PTGES: variants seen among roughly 807,000 people sequenced by gnomAD.
The protein encoded by PTGES is MGST1-like 1.
PTGES carries 3 observed loss-of-function variants against 11.8 expected under a neutral mutation model. That is an observed-to-expected ratio of 0.25 (90% CI 0.12 to 0.66). PTGES has a LOEUF of 0.66. Ranked by LOEUF, PTGES falls within the 30% of genes least tolerant of loss-of-function variation. The probability of loss-of-function intolerance (pLI) is 0.82; values close to 1 mark genes in which losing one functional copy is unlikely to be tolerated. For missense variants in PTGES, 180 were observed against 213.0 expected (o/e 0.85, Z 0.96); for synonymous variants, 94 against 90.4 (o/e 1.04, Z -0.22).
In PTGES at chr9:129,739,440, A is replaced by ACACG. The variant is rs1832970929; in HGVS notation, c.*167_*170dup. 1 of 877,854 alleles carries ACACG rather than the reference A, an allele frequency of 1.1e-6. No individual in the cohort carries two copies. Among genetic ancestry groups the ACACG allele is most frequent in the African/African-American group, 1.7e-5 (1 of 58,758 alleles). The allele number at this position is 877,854 out of a possible 1,614,324, so 54.4% of individuals were successfully genotyped here. A position where few individuals can be genotyped will look rare whatever the true frequency, so the allele number is the denominator to read the frequency against. ...GAAACATACACACACACATACACAC[A>ACACG]CACGGGCACACACACAGGCCCACTG... is the stretch of plus-strand genomic sequence containing the variant. On this transcript the variant is annotated 3_prime_UTR_variant, in exon 3 of 3. Coordinates refer to ENST00000340607, the MANE Select transcript of PTGES (RefSeq NM_004878.5). This position sits in a 1 kb window ranked among gnomAD's most constrained non-coding sequence, Gnocchi z 5.7.
Position 129,738,407 on chromosome 9 carries a change from GAA to G in PTGES, c.*1202_*1203del, listed in dbSNP as rs1832954456. 8.7e-6 allele frequency: 1 copy of G among 115,102 alleles called. No homozygotes were observed. Among genetic ancestry groups the G allele is most frequent in the African/African-American group, 3.7e-5 (1 of 26,828 alleles). The allele number at this position is 115,102 out of a possible 1,614,324, so 7.1% of individuals were successfully genotyped here. A position where few individuals can be genotyped will look rare whatever the true frequency, so the allele number is the denominator to read the frequency against. On this transcript the variant is annotated 3_prime_UTR_variant, in exon 3 of 3. Coordinates refer to ENST00000340607, the MANE Select transcript of PTGES (RefSeq NM_004878.5). This position sits in a 1 kb window ranked among gnomAD's most constrained non-coding sequence, Gnocchi z 4.2. ...CACATCTCAGGTCACGGGTCTAGGA[GAA>G]AACACACACACACACACACACACAC...
chr9:129,745,797 A>T lies in PTGES; in HGVS notation c.209+2858T>A, dbSNP rs1833043864. ...GTAATCCCAGCACTTTGGAAGCCCG[A>T]GGCAGGTGGATCACCTGAGGTCAGG... is the stretch of plus-strand genomic sequence containing the variant. On this transcript the variant is annotated intron_variant, in intron 2 of 2. Transcript: ENST00000340607. The surrounding 1 kb of genome is among the most constrained non-coding windows in gnomAD (Gnocchi z 4.2). Among the ~76,000 whole-genome samples the T allele has an allele frequency of 6.6e-6, 1 of 152,174 alleles. No homozygotes were observed. Among genetic ancestry groups the T allele is most frequent in the South Asian group, 2.1e-4 (1 of 4,830 alleles).
chr9:129,742,796 C>T (rs1432048142), intron 2 of PTGES, among the ~76,000 whole-genome samples: 1 of 151,322 alleles, frequency 6.6e-6, no homozygotes, highest in Non-Finnish European at 1.5e-5. Context: ...CTCTTGAACC[C>T]GGGAGACAGA....
At chr9:129,742,684 T>C (rs1417852875) in intron 2 of PTGES, among the ~76,000 whole-genome samples, 1 of 151,852 alleles carries the variant, frequency 6.6e-6, no homozygotes, top group Non-Finnish European at 1.5e-5. Flanking sequence ...CCATCCTGGC[T>C]GATATGGTGA....
At chr9:129,743,284 T>A (rs1018301332) in intron 2 of PTGES, among the ~76,000 whole-genome samples, 1 of 152,008 alleles carries the variant, frequency 6.6e-6, no homozygotes, top group Non-Finnish European at 1.5e-5. Flanking sequence ...CAGGGAGCAA[T>A]GGAGACACCA....
chr9:129,749,279 C>A (rs1833079108), intron 1 of PTGES, among the ~76,000 whole-genome samples: 1 of 151,618 alleles, frequency 6.6e-6, no homozygotes, highest in Non-Finnish European at 1.5e-5. Context: ...CTTTGGGAAG[C>A]CAAGATAGGA....
chr9:129,744,877 CA>C (rs35083107), intron 2 of PTGES, among the ~76,000 whole-genome samples: 14,024 of 142,846 alleles, frequency 0.098, 689 homozygotes, highest in East Asian at 0.2. Flanking sequence ...AAGTCCATCT[CA>C]AAAAAAAAAA....
At chr9:129,743,646 G>T (rs1181711847) in intron 2 of PTGES, among the ~76,000 whole-genome samples, 2 of 152,158 alleles carry the variant, frequency 1.3e-5, no homozygotes, top group Non-Finnish European at 2.9e-5. Context: ...TGGCATCCAC[G>T]GTGGGGCCAA....
At chr9:129,742,053 C>T (rs1214856080) in intron 2 of PTGES, among the ~76,000 whole-genome samples, 2 of 151,982 alleles carry the variant, frequency 1.3e-5, no homozygotes, top group African/African-American at 4.8e-5. Flanking sequence ...TGCAGTGGCT[C>T]ATGCCTGTAA....
At chr9:129,742,436 C>G (rs978102915) in intron 2 of PTGES, among the ~76,000 whole-genome samples, 5 of 151,966 alleles carry the variant, frequency 3.3e-5, no homozygotes, top group African/African-American at 1.2e-4. Flanking sequence ...AGAGGGACAC[C>G]CTTGGAAAAC....
At chr9:129,746,853 T>C (rs1216588065) in intron 2 of PTGES, among the ~76,000 whole-genome samples, 1 of 152,190 alleles carries the variant, frequency 6.6e-6, no homozygotes, top group Non-Finnish European at 1.5e-5. Context: ...TAATATTGAC[T>C]GTGATTATGT....
rs1461128903 is a variant in PTGES at position 129,745,696 on chromosome 9, A to C, written c.209+2959T>G. On this transcript the variant is annotated intron_variant, in intron 2 of 2. Coordinates refer to ENST00000340607, the MANE Select transcript of PTGES (RefSeq NM_004878.5). This position sits in a 1 kb window ranked among gnomAD's most constrained non-coding sequence, Gnocchi z 4.2. ...GATAAGACGCACTCAGAAAGTGCTG[A>C]AATGAATTTCTACCATTTAAACCCC... 6.6e-6 allele frequency among the ~76,000 whole-genome samples: 1 copy of C among 152,174 alleles called. No individual in the cohort carries two copies. Among genetic ancestry groups the C allele is most frequent in the Non-Finnish European group, 1.5e-5 (1 of 68,036 alleles).
At chr9:129,751,980 G>A (rs1423895015) in intron 1 of PTGES, among the ~76,000 whole-genome samples, 2 of 152,226 alleles carry the variant, frequency 1.3e-5, no homozygotes, top group Non-Finnish European at 2.9e-5. Context: ...CTATCAGTGT[G>A]CTGTAGCCTC....
At chr9:129,742,809 T>C (rs1833010698) in intron 2 of PTGES, among the ~76,000 whole-genome samples, 1 of 151,366 alleles carries the variant, frequency 6.6e-6, no homozygotes, top group African/African-American at 2.4e-5. Flanking sequence ...GAGACAGAGG[T>C]TGCAGTGAGC....
intron 2 of PTGES, among the ~76,000 whole-genome samples, chr9:129,742,369 T>G (rs1833005611): frequency 7.2e-6 from 1 of 139,342 alleles, no homozygotes; most frequent in Admixed American, 7.2e-5. Context: ...AAAACAAAAA[T>G]CACTCCGTCC....
At chr9:129,748,325 C>A (rs1833067674) in intron 2 of PTGES, among the ~76,000 whole-genome samples, 1 of 151,226 alleles carries the variant, frequency 6.6e-6, no homozygotes, top group African/African-American at 2.4e-5. Context: ...TGCAGCAAAT[C>A]TCTGTGGGAA....
chr9:129,752,807 C>A (rs1833127301), intron 1 of PTGES, 80 bp downstream of exon 1: 2 of 1,606,840 alleles, frequency 1.2e-6, no homozygotes, highest in African/African-American at 1.3e-5. Flanking sequence ...GGCCATGTTT[C>A]CCTATCCCGG....
chr9:129,749,748 A>T (rs1350025468), intron 1 of PTGES: 1 of 152,436 alleles, frequency 6.6e-6, no homozygotes, highest in African/African-American at 2.4e-5. Context: ...CAGAAGGGAC[A>T]GCACGTGCAA....
chr9:129,746,034 C>CAA lies in PTGES; in HGVS notation c.209+2619_209+2620dup, dbSNP rs142175511. On this transcript the variant is annotated intron_variant, in intron 2 of 2. Transcript: ENST00000340607. ...GGGGGACAAGAGCGAAACTCTGTCT[C>CAA]AAAAAAAAAAAAAAAGATTGGTTGG... 8.2e-4 allele frequency among the ~76,000 whole-genome samples: 100 copies of CAA among 121,314 alleles called. No individual in the cohort carries two copies. In the Middle Eastern group the frequency reaches 0.013, roughly 15 times the overall value. 79.6% of individuals were successfully genotyped at this position (121,314 alleles called of 152,430 possible). A position where few individuals can be genotyped will look rare whatever the true frequency, so the allele number is the denominator to read the frequency against.
Sources: allele counts gnomAD v4.1 joint callset (sites outside exome capture counted in the v4.1 genomes callset), GRCh38; gene constraint gnomAD v4.1.1; non-coding constraint Gnocchi (gnomAD v3.1); transcripts MANE v1.5; gene names NCBI Gene and HGNC (gene_info 2026-07-23, HGNC 2026-07-21).